The following ATXN1 variants were observed in gnomAD, a reference collection of about 807,000 sequenced individuals.
ATXN1 encodes the protein ataxin-1.
Under a neutral mutation model 56.4 loss-of-function variants are expected in ATXN1, and 8 were observed. The ratio of observed to expected loss-of-function variants is 0.14; its 90% confidence interval spans 0.08 to 0.26. ATXN1 has a LOEUF of 0.26. Ranked by LOEUF, ATXN1 falls within the 10% of genes least tolerant of loss-of-function variation. The pLI is 1.00. For missense variants in ATXN1, 987 were observed against 1,106.5 expected, an observed-to-expected ratio of 0.89 and a Z score of 1.53; for synonymous variants, 514 against 494.6, an observed-to-expected ratio of 1.04 and a Z score of -0.52.
At chr6:16,508,996 A>T (rs2113681943) in intron 5 of ATXN1, among the ~76,000 whole-genome samples, 1 of 152,334 alleles carries the variant, frequency 6.6e-6, no homozygotes, top group South Asian at 2.1e-4. Flanking sequence ...TATGCTAAAC[A>T]AAAAGTCACA....
chr6:16,454,017 G>A (rs953237629), intron 6 of ATXN1, among the ~76,000 whole-genome samples: 3 of 149,862 alleles, frequency 2.0e-5, no homozygotes, highest in Admixed American at 6.7e-5. Context: ...GGTGGCACGT[G>A]CCTGTAATTC....
intron 1 of ATXN1, among the ~76,000 whole-genome samples, chr6:16,755,911 A>G (rs1014774491): frequency 2.0e-5 from 3 of 152,182 alleles, no homozygotes; most frequent in African/African-American, 7.2e-5. Flanking sequence ...AATGGGATGC[A>G]TTAAAAGTTA....
chr6:16,419,912 T>G (rs1271133427), intron 6 of ATXN1, among the ~76,000 whole-genome samples: 1 of 152,200 alleles, frequency 6.6e-6, no homozygotes, highest in Non-Finnish European at 1.5e-5. Context: ...TCCTATCATC[T>G]ACAGGGTTTT....
intron 7 of ATXN1, among the ~76,000 whole-genome samples, chr6:16,316,360 T>C (rs1379712606): frequency 6.6e-6 from 1 of 152,210 alleles, no homozygotes; most frequent in Non-Finnish European, 1.5e-5. Flanking sequence ...TATTTACTTG[T>C]ATATTTGTCT....
At chr6:16,382,146 C>G (rs1456563877) in intron 6 of ATXN1, among the ~76,000 whole-genome samples, 1 of 151,984 alleles carries the variant, frequency 6.6e-6, no homozygotes. Flanking sequence ...GAGTTTAAGA[C>G]CAGCCTGGGC....
At chr6:16,309,665 C>A (rs137922677) in intron 7 of ATXN1, among the ~76,000 whole-genome samples, 138 of 152,322 alleles carry the variant, frequency 9.1e-4, no homozygotes, top group African/African-American at 3.2e-3. Context: ...GAAATCCTCA[C>A]TGAGGCAGAT....
At chr6:16,582,379 T>C (rs1447805400) in intron 4 of ATXN1, among the ~76,000 whole-genome samples, 5 of 152,220 alleles carry the variant, frequency 3.3e-5, no homozygotes, top group East Asian at 1.9e-4. Context: ...TACTGGGACA[T>C]AGCTGCCCCT....
chr6:16,332,201 C>G (rs1761007864), intron 6 of ATXN1, among the ~76,000 whole-genome samples: 1 of 152,132 alleles, frequency 6.6e-6, no homozygotes, highest in Non-Finnish European at 1.5e-5. Flanking sequence ...AGGTATGTGT[C>G]CCTTCTCTGG....
At chr6:16,700,051 A>C (rs968255445) in intron 2 of ATXN1, among the ~76,000 whole-genome samples, 4 of 152,226 alleles carry the variant, frequency 2.6e-5, no homozygotes, top group Non-Finnish European at 5.9e-5. Context: ...AAGCCATGGA[A>C]GCTTACTCTG....
At chr6:16,531,970 T>A (rs940584443) in intron 4 of ATXN1, among the ~76,000 whole-genome samples, 2 of 152,196 alleles carry the variant, frequency 1.3e-5, no homozygotes, top group Non-Finnish European at 2.9e-5. Flanking sequence ...ACTTTTTCTA[T>A]AAAGGACCAG....
intron 2 of ATXN1, among the ~76,000 whole-genome samples, chr6:16,696,019 G>A (rs1759157965): frequency 6.6e-6 from 1 of 152,016 alleles, no homozygotes; most frequent in Non-Finnish European, 1.5e-5. Context: ...AATGTAATAT[G>A]ATAACATATA....
chr6:16,644,361 A>G (rs566959426), intron 3 of ATXN1, among the ~76,000 whole-genome samples: 23 of 152,222 alleles, frequency 1.5e-4, no homozygotes, highest in South Asian at 1.0e-3. Flanking sequence ...CTAAAAATAC[A>G]AAAATTCCCT....
rs377598266 is a variant in ATXN1, at chr6:16,559,371, C to CA, written c.-361+26408dup. On this transcript the variant is annotated intron_variant, in intron 4 of 7. Coordinates refer to ENST00000436367, the MANE Select transcript of ATXN1 (RefSeq NM_001128164.2). Reference sequence around the variant, plus strand: ...ATAGTAGCAAGTGACTGGAAACAACCAAAAAAAAAAAAAAAGTCCATCAAT... The same window carrying CA: ...ATAGTAGCAAGTGACTGGAAACAACCAAAAAAAAAAAAAAAAGTCCATCAAT... Among the ~76,000 whole-genome samples the CA allele has an allele frequency of 3.2e-3, 364 of 112,906 alleles. 1 individual carries two copies. Among genetic ancestry groups the CA allele is most frequent in the Middle Eastern group, 5.0e-3 (1 of 202 alleles). The allele number at this position is 112,906 out of a possible 152,430, so 74.1% of individuals were successfully genotyped here.
At position 16,697,074 on chromosome 6, in the gene ATXN1, G is replaced by A. The variant is rs1281281892; in HGVS notation, c.-614-39173C>T. Reference sequence around the variant, plus strand: ...AACACCACCACGTTACAGTGGAAACGCCACAGTGGAGCTAGTAACAGAGTG... The same window carrying A: ...AACACCACCACGTTACAGTGGAAACACCACAGTGGAGCTAGTAACAGAGTG... On this transcript the variant is annotated intron_variant, in intron 2 of 7. Transcript: ENST00000436367. 3.3e-5 allele frequency among the ~76,000 whole-genome samples: 5 copies of A among 152,180 alleles called. 1 individual carries two copies. Among genetic ancestry groups the A allele is most frequent in the South Asian group, 4.1e-4 (2 of 4,828 alleles).
chr6:16,386,720 G>A (rs879688924), intron 6 of ATXN1, among the ~76,000 whole-genome samples: 5 of 152,028 alleles, frequency 3.3e-5, no homozygotes, highest in African/African-American at 9.7e-5. Context: ...ATGAAGAAAC[G>A]CATATTAGGA....
At chr6:16,484,102 A>T (rs1460507774) in intron 6 of ATXN1, among the ~76,000 whole-genome samples, 1 of 152,170 alleles carries the variant, frequency 6.6e-6, no homozygotes. Context: ...TCTTCCCCTT[A>T]TGAGGACCCT....
intron 2 of ATXN1, among the ~76,000 whole-genome samples, chr6:16,675,371 T>A (rs971768986): frequency 2.6e-5 from 4 of 152,196 alleles, no homozygotes; most frequent in African/African-American, 9.7e-5. Context: ...ATCACATGAC[T>A]GAGGATCTAA....
rs1302389122 is a variant in ATXN1, at chr6:16,681,530, C to T, written c.-614-23629G>A. ...TGCCTCATGCATATGAAAAAGGATC[C>T]GCCATCAATGAGCAATAATGCATGG... On this transcript the variant is annotated intron_variant, in intron 2 of 7. Transcript: ENST00000436367. 4.6e-5 allele frequency among the ~76,000 whole-genome samples: 7 copies of T among 152,348 alleles called. 1 individual carries two copies. The South Asian group carries it at 6.2e-4, about 14-fold the overall frequency.
chr6:16,449,201 G>A lies in ATXN1; in HGVS notation c.-161+36771C>T, dbSNP rs60080010. Among the ~76,000 whole-genome samples the A allele has an allele frequency of 2.1e-3, 313 of 152,142 alleles. 1 individual carries two copies. The highest frequency in any genetic ancestry group is 7.1e-3 in the African/African-American group (294 of 41,490). ...TCCACTTGCATGAAATTTCACAAGT[G>A]AGCACCCTAGTACAGCATGAGTGTA... On this transcript the variant is annotated intron_variant, in intron 6 of 7. Transcript: ENST00000436367.
Sources: allele counts gnomAD v4.1 joint callset (sites outside exome capture counted in the v4.1 genomes callset), GRCh38; gene constraint gnomAD v4.1.1; transcripts MANE v1.5; gene names NCBI Gene and HGNC (gene_info 2026-07-23, HGNC 2026-07-21).